Variants in CNKSR1 observed in about 807,000 individuals in gnomAD.
CNKSR1 encodes the protein connector enhancer of kinase suppressor of Ras 1.
Under a neutral mutation model 95.6 loss-of-function variants are expected in CNKSR1, and 88 were observed. That is an observed-to-expected ratio of 0.92 (90% confidence interval 0.78 to 1.10). The LOEUF (loss-of-function observed/expected upper bound fraction) is 1.10. Among genes scored for constraint, CNKSR1 ranks in the 50% least tolerant of loss-of-function variants. CNKSR1 has a pLI of 0.00. For missense variants in CNKSR1, 836 were observed against 912.0 expected, an observed-to-expected ratio of 0.92 and a Z score of 1.07; for synonymous variants, 355 against 369.7, an observed-to-expected ratio of 0.96 and a Z score of 0.46.
At chr1:26,184,927 T>C in intron 13 of CNKSR1, 87 bp from the exon 14 acceptor site, 1 of 1,334,922 alleles carries the variant, frequency 7.5e-7, no homozygotes, top group Non-Finnish European at 1.0e-6. Flanking sequence ...AGATCTCACT[T>C]GGGGATGCTT....
At chr1:26,182,091 C>CAATG (rs1179952886) in intron 4 of CNKSR1, 150 bp downstream of exon 4, 15 of 830,282 alleles carry the variant, frequency 1.8e-5, no homozygotes, top group African/African-American at 3.4e-5. Flanking sequence ...GGGTATGGGA[C>CAATG]AATGGGGCCT....
At chr1:26,184,915 A>G in intron 13 of CNKSR1, 99 bp from the exon 14 acceptor site, 2 of 1,229,378 alleles carry the variant, frequency 1.6e-6, no homozygotes, top group South Asian at 2.8e-5. Flanking sequence ...GTGTGGGTTC[A>G]GAGATCTCAC....
At position 26,188,773 on chromosome 1, in the gene CNKSR1, C is replaced by G. The variant is rs141991719; in HGVS notation, c.1692C>G (p.Asp564Glu). 7 of 1,609,594 alleles carry G rather than the reference C, an allele frequency of 4.3e-6. No individual in the cohort carries two copies. In the African/African-American group the frequency reaches 5.3e-5, roughly 12 times the overall value. ...TCATCCTGCTCTTCCCTCCCACAGA[C>G]AGCAGTGAAGAGGCACTGGAAGGAA... is the stretch of plus-strand genomic sequence containing the variant. ...SPRTSFGSLT[D>E]SSEEALEGMV... Residue 564 changes from aspartate (D) to glutamate (E), a missense_variant and splice_region_variant, in exon 20 of 21, where the codon GAC becomes GAG. Transcript: ENST00000361530.
chr1:26,179,861 C>T (rs113701570), intron 1 of CNKSR1, among the ~76,000 whole-genome samples: 3 of 152,246 alleles, frequency 2.0e-5, no homozygotes, highest in South Asian at 2.1e-4. Flanking sequence ...GCTGGCTGGG[C>T]GTCGTGGCTC....
chr1:26,178,958 G>A (rs1368194103), intron 1 of CNKSR1, among the ~76,000 whole-genome samples: 1 of 152,178 alleles, frequency 6.6e-6, no homozygotes, highest in East Asian at 1.9e-4. Context: ...AAGGAGCCTG[G>A]CTTAGAAGGG....
At position 26,184,203 on chromosome 1, in the gene CNKSR1, G is replaced by A; in HGVS notation, c.927-11G>A. On this transcript the variant is annotated splice_polypyrimidine_tract_variant and intron_variant, in intron 10 of 20. Coordinates refer to ENST00000361530, the MANE Select transcript of CNKSR1 (RefSeq NM_006314.3). ...ACCGTGGGCTCATCTCATCCCCCTT[G>A]CCCTCCCCAGGGCCCCATCTGAAGA... 6.2e-7 allele frequency: 1 copy of A among 1,612,614 alleles called. No homozygotes were observed. The highest frequency in any genetic ancestry group is 8.5e-7 in the Non-Finnish European group (1 of 1,179,562).
In CNKSR1 at chr1:26,189,387, G is replaced by A; in HGVS notation, c.1981G>A (p.Gly661Ser). The change falls in exon 21 of 21, where the codon GGC becomes AGC. Residue 661 changes from glycine (G) to serine (S), a missense_variant. Coordinates refer to ENST00000361530, the MANE Select transcript of CNKSR1 (RefSeq NM_006314.3). ...GCAGAACCGGGAGCTGTACTCAGAG[G>A]GCCTGGGGGCCTGGGGAGTGGCACA... is the stretch of plus-strand genomic sequence containing the variant. ...KEQNRELYSE[G>S]LGAWGVAQAE... 1.2e-6 allele frequency: 2 copies of A among 1,613,974 alleles called. No homozygotes were observed. The highest frequency in any genetic ancestry group is 1.1e-5 in the South Asian group (1 of 91,090).
chr1:26,184,408 C>A lies in CNKSR1; in HGVS notation c.1008C>A (p.Ala336=). 6.2e-7 allele frequency: 1 copy of A among 1,613,086 alleles called. No individual in the cohort carries two copies. Among genetic ancestry groups the A allele is most frequent in the Non-Finnish European group, 8.5e-7 (1 of 1,179,364 alleles). The change falls in exon 12 of 21, where the codon GCC becomes GCA. Residue 336 remains alanine, a synonymous_variant. Coordinates refer to ENST00000361530, the MANE Select transcript of CNKSR1 (RefSeq NM_006314.3). ...PGPSPAWTDS[A]SLGPEPLPIP... ...CTCCTCCCTCCCTGACAGACTCTGC[C>A]TCCCTTGGCCCTGAGCCCCTGCCCA... is the stretch of plus-strand genomic sequence containing the variant.
chr1:26,187,728 T>G (rs1376213797), intron 16 of CNKSR1, among the ~76,000 whole-genome samples: 1 of 151,396 alleles, frequency 6.6e-6, no homozygotes, highest in Non-Finnish European at 1.5e-5. Context: ...GCTCAAGTGA[T>G]TCTCCTGCCT....
intron 1 of CNKSR1, 22 bp downstream of exon 1, chr1:26,177,621 T>G: frequency 6.2e-7 from 1 of 1,612,686 alleles, no homozygotes; most frequent in African/African-American, 1.3e-5. Context: ...TGGGGTAGAG[T>G]TGGGCTTGAA....
In CNKSR1 at chr1:26,183,188, C is replaced by T. The variant is rs759479282; in HGVS notation, c.625-9C>T. 6.2e-7 allele frequency: 1 copy of T among 1,614,002 alleles called. No homozygotes were observed. Among genetic ancestry groups the T allele is most frequent in the Non-Finnish European group, 8.5e-7 (1 of 1,179,962 alleles). On this transcript the variant is annotated splice_polypyrimidine_tract_variant and intron_variant, in intron 6 of 20. Transcript: ENST00000361530. ...CAGCCCCCGGTGACTATAGCCTCTG[C>T]CTCTGCAGGGCCTAGAAATTCACAC...
At chr1:26,181,976 C>CTA (rs749567819) in intron 4 of CNKSR1, 35 bp downstream of exon 4, 14 of 1,587,356 alleles carry the variant, frequency 8.8e-6, no homozygotes, top group Non-Finnish European at 2.6e-6. Flanking sequence ...GGCCCATGCC[C>CTA]TAGAGACCAA....
chr1:26,182,429 G>A (rs1407202969), intron 5 of CNKSR1, 27 bp downstream of exon 5: 2 of 1,613,808 alleles, frequency 1.2e-6, no homozygotes, highest in Admixed American at 1.7e-5. Context: ...GGAAGAGAGT[G>A]GGGGTAGGGG....
intron 14 of CNKSR1, 127 bp from the exon 15 acceptor site, chr1:26,187,041 T>A: frequency 1.3e-6 from 1 of 748,040 alleles, no homozygotes. Context: ...CAGAGAGACT[T>A]GTTAGAGAGC....
Position 26,184,506 on chromosome 1 carries a change from A to T in CNKSR1, c.1106A>T (p.Lys369Met), listed in dbSNP as rs1345522934. 6.2e-7 allele frequency: 1 copy of T among 1,610,306 alleles called. No homozygotes were observed. The highest frequency in any genetic ancestry group is 8.5e-7 in the Non-Finnish European group (1 of 1,178,348). Residue 369 changes from lysine to methionine, a missense_variant and splice_region_variant, in exon 12 of 21, where the codon AAG (lysine) becomes ATG (methionine). Physicochemically the swap from Lys to Met is moderately conservative, Grantham distance 95 (BLOSUM62 -1). Transcript: ENST00000361530. ...CCAGGGCTCCCTGAATCCCCTGACA[A>T]GGTAAGCTCAGGGGCTTAGCAAGGG... ...GTPGLPESPDKSPVGRKKSKG... is the reference protein window; with the variant it reads ...GTPGLPESPDMSPVGRKKSKG...
intron 3 of CNKSR1, 72 bp downstream of exon 3, chr1:26,180,968 A>G (rs2088638317): frequency 6.3e-7 from 1 of 1,579,970 alleles, no homozygotes. Context: ...GGAGAGAAAA[A>G]CAGATCTTGG....
Position 26,184,616 on chromosome 1 carries a change from T to C in CNKSR1, c.1135+4T>C, listed in dbSNP as rs2088715335. The stretch of plus-strand genomic sequence containing the variant: ...GTTGGTCGGAAGAAATCAAAAGGTA[T>C]GAGGTGCGCTGGACTAGGTGGGGGT... On this transcript the variant is annotated splice_donor_region_variant and intron_variant, in intron 13 of 20. Coordinates refer to ENST00000361530, the MANE Select transcript of CNKSR1 (RefSeq NM_006314.3). 17 of 1,599,012 alleles carry C rather than the reference T, an allele frequency of 1.1e-5. No homozygotes were observed. The East Asian group carries it at 3.8e-4, about 36-fold the overall frequency.
At position 26,189,532 on chromosome 1, in the gene CNKSR1, G is replaced by T; in HGVS notation, c.2126G>T (p.Arg709Leu). 6.6e-7 allele frequency: 1 copy of T among 1,521,626 alleles called. No individual in the cohort carries two copies. Among genetic ancestry groups the T allele is most frequent in the Non-Finnish European group, 9.1e-7 (1 of 1,095,686 alleles). The allele number at this position is 1,521,626 out of a possible 1,614,324, so 94.3% of individuals were successfully genotyped here. A position where few individuals can be genotyped will look rare whatever the true frequency, so the allele number is the denominator to read the frequency against. Residue 709 changes from arginine (R) to leucine (L), a missense_variant, in exon 21 of 21, where the codon CGA (arginine) becomes CTA (leucine). Physicochemically the swap from Arg to Leu is moderately radical, Grantham distance 102. Transcript: ENST00000361530. The stretch of plus-strand genomic sequence containing the variant: ...CCCCTGACCTCAGAGAGCAGCCTCC[G>T]ACCTCCTGACCTCTGACCCTGGCCA... ...LCPLTSESSL[R>L]PPDL is the part of the protein sequence containing the mutation.
intron 1 of CNKSR1, among the ~76,000 whole-genome samples, chr1:26,177,970 G>GAA (rs143042672): frequency 4.1e-5 from 6 of 146,868 alleles, no homozygotes; most frequent in Non-Finnish European, 4.5e-5. Context: ...CAGCTCAAAA[G>GAA]AAAAAAAAAA....
Sources: gnomAD v4.1 joint callset for allele counts (sites outside exome capture counted in the v4.1 genomes callset) on GRCh38, gnomAD v4.1.1 for gene constraint, MANE v1.5 for transcripts, NCBI Gene and HGNC (gene_info 2026-07-23, HGNC 2026-07-21) for gene names.